The following SERPINB12 variants were observed in gnomAD, a reference collection of about 807,000 sequenced individuals.
The protein encoded by SERPINB12 is serpin B12.
In SERPINB12, 57 loss-of-function variants were observed where a neutral mutation model predicts 41.1. That is an observed-to-expected ratio of 1.39 (90% confidence interval 1.12 to 1.73). The LOEUF (loss-of-function observed/expected upper bound fraction) is 1.73. SERPINB12 is among the 40% of genes most tolerant of loss of function. The pLI, the probability that SERPINB12 is intolerant of heterozygous loss-of-function variation, is 0.00. For missense variants in SERPINB12, 536 were observed against 501.9 expected, an observed-to-expected ratio of 1.07 and a Z score of -0.65; for synonymous variants, 180 against 181.3, an observed-to-expected ratio of 0.99 and a Z score of 0.06.
rs184035307 is a variant in SERPINB12, at chr18:63,553,260, C to T, written c.-18-2882C>T. Among the ~76,000 whole-genome samples the T allele has an allele frequency of 2.0e-5, 3 of 152,306 alleles. No homozygotes were observed. In the East Asian group the frequency reaches 5.8e-4, roughly 29 times the overall value. ...TTAGAATGGAATGGAATGTGAAAAA[C>T]TGTGTGATCTAGGAGGAAGCAGCCC... On this transcript the variant is annotated intron_variant, in intron 1 of 7. Transcript: ENST00000382768.
intron 6 of SERPINB12, 117 bp downstream of exon 6, chr18:63,564,237 C>G: frequency 9.0e-7 from 1 of 1,116,216 alleles, no homozygotes; most frequent in Non-Finnish European, 1.3e-6. Flanking sequence ...GAACATTTTT[C>G]GTTGATAAGA....
upstream of SERPINB12, among the ~76,000 whole-genome samples, chr18:63,539,098 G>T (rs1327636486): frequency 6.6e-6 from 1 of 152,100 alleles, no homozygotes; most frequent in African/African-American, 2.4e-5. Flanking sequence ...TATGAGAAGA[G>T]AATGAAGGTT....
At chr18:63,522,615 G>A in the SERPINB12 span, among the ~76,000 whole-genome samples, 2 of 151,942 alleles carry the variant, frequency 1.3e-5, no homozygotes, top group Non-Finnish European at 2.9e-5. Context: ...ATCTTGATTA[G>A]CAGTTTCACA....
chr18:63,561,675 G>A (rs1910915062), intron 5 of SERPINB12, among the ~76,000 whole-genome samples: 2 of 152,190 alleles, frequency 1.3e-5, no homozygotes, highest in Non-Finnish European at 2.9e-5. Flanking sequence ...TAAAGAAAAT[G>A]TGGTACATAT....
Position 63,568,671 on chromosome 18 carries a change from G to A in SERPINB12, c.*1660G>A, listed in dbSNP as rs1911195599. ...TCTTGCTTGCGGCTCAGTTTCCTTG[G>A]CCCACCTTGTGGCTGTCCTCCTCCC... is the stretch of plus-strand genomic sequence containing the variant. On this transcript the variant is annotated 3_prime_UTR_variant, in exon 8 of 8. Transcript: ENST00000382768. 6.6e-6 allele frequency among the ~76,000 whole-genome samples: 1 copy of A among 152,048 alleles called. No individual in the cohort carries two copies.
At position 63,565,632 on chromosome 18, in the gene SERPINB12, T is replaced by A; in HGVS notation, c.873+20T>A. 2 of 1,596,784 alleles carry A rather than the reference T, an allele frequency of 1.3e-6. No individual in the cohort carries two copies. The highest frequency in any genetic ancestry group is 8.5e-7 in the Non-Finnish European group (1 of 1,171,768). ...GAAGAGGTAAATCTTCATTTCCACA[T>A]CTCTACAAAATATTTAATGATAGAT... On this transcript the variant is annotated intron_variant, in intron 7 of 7. Transcript: ENST00000382768.
chr18:63,566,345 A>G (rs1911096882), intron 7 of SERPINB12, among the ~76,000 whole-genome samples: 1 of 152,230 alleles, frequency 6.6e-6, no homozygotes, highest in Admixed American at 6.5e-5. Context: ...GAACTCAACT[A>G]ATCGACTGAG....
chr18:63,567,206 CTGT>C lies in SERPINB12; in HGVS notation c.*200_*202del, dbSNP rs1355610182. Among the ~76,000 whole-genome samples the C allele has an allele frequency of 1.3e-5, 2 of 152,172 alleles. No individual in the cohort carries two copies. Among genetic ancestry groups the C allele is most frequent in the Non-Finnish European group, 2.9e-5 (2 of 68,024 alleles). ...ATCTGAGTCTGTTAGTATTGAAGGGCTGTTGTTCTCTACCCTAAACTTTCAAGC... is the reference window on the plus strand; with the variant it reads ...ATCTGAGTCTGTTAGTATTGAAGGGCTGTTCTCTACCCTAAACTTTCAAGC... On this transcript the variant is annotated 3_prime_UTR_variant, in exon 8 of 8. Transcript: ENST00000382768.
chr18:63,534,108 T>C, the SERPINB12 span, among the ~76,000 whole-genome samples: 1 of 152,184 alleles, frequency 6.6e-6, no homozygotes, highest in Non-Finnish European at 1.5e-5. Context: ...TGGCATGATT[T>C]TAAAAATTAA....
At position 63,559,685 on chromosome 18, in the gene SERPINB12, G is replaced by C. The variant is rs901971104; in HGVS notation, c.411G>C (p.Arg137Ser). 5.6e-6 allele frequency: 9 copies of C among 1,613,966 alleles called. No individual in the cohort carries two copies. Among genetic ancestry groups the C allele is most frequent in the Non-Finnish European group, 7.6e-6 (9 of 1,179,986 alleles). ...ATTACACACTGAGTATTGCCAACAGGCTTTATGGAGAGCAGGAATTCCCAA... is the reference window on the plus strand; with the variant it reads ...ATTACACACTGAGTATTGCCAACAGCCTTTATGGAGAGCAGGAATTCCCAA... ...KTDYTLSIAN[R>S]LYGEQEFPIC... Residue 137 changes from arginine to serine, a missense_variant, in exon 4 of 8, where the codon AGG (arginine) becomes AGC (serine). Arg to Ser is a moderately radical substitution (Grantham distance 110). Transcript: ENST00000382768.
At chr18:63,564,363 T>C (rs7233648) in intron 6 of SERPINB12, among the ~76,000 whole-genome samples, 88,308 of 152,138 alleles carry the variant, frequency 0.58, 27,735 homozygotes, top group Middle Eastern at 0.72. Context: ...GGTGTTATTA[T>C]GATTTCCACT....
At chr18:63,550,051 A>C (rs906954173) in intron 1 of SERPINB12, among the ~76,000 whole-genome samples, 19 of 152,150 alleles carry the variant, frequency 1.2e-4, no homozygotes, top group African/African-American at 3.4e-4. Context: ...CAGACATATC[A>C]CAAGCTCAAA....
At chr18:63,524,087 A>C in the SERPINB12 span, among the ~76,000 whole-genome samples, 1 of 152,204 alleles carries the variant, frequency 6.6e-6, no homozygotes, top group Non-Finnish European at 1.5e-5. Context: ...TGCAGTTCAG[A>C]AAATGGTTGA....
At chr18:63,522,110 A>G in the SERPINB12 span, among the ~76,000 whole-genome samples, 4 of 152,226 alleles carry the variant, frequency 2.6e-5, no homozygotes, top group African/African-American at 9.6e-5. Flanking sequence ...TTTAGTTTTT[A>G]TCAAATTTTA....
At chr18:63,545,884 GA>G (rs962334187) in intron 1 of SERPINB12, among the ~76,000 whole-genome samples, 4 of 150,364 alleles carry the variant, frequency 2.7e-5, no homozygotes, top group African/African-American at 7.3e-5. Flanking sequence ...GAAGAATTTA[GA>G]AAAAAAAATA....
intron 3 of SERPINB12, among the ~76,000 whole-genome samples, chr18:63,559,111 T>TTCTTTCTTTCTTTCTTTCTTTC (rs1910810625): frequency 6.7e-6 from 1 of 148,790 alleles, no homozygotes; most frequent in African/African-American, 2.5e-5. Context: ...CTTTCTTTCT[T>TTCTTTCTTTCTTTCTTTCTTTC]TTTGTTTTTT....
chr18:63,526,118 G>C, the SERPINB12 span, among the ~76,000 whole-genome samples: 1 of 152,042 alleles, frequency 6.6e-6, no homozygotes, highest in Non-Finnish European at 1.5e-5. Flanking sequence ...ATTTGAGCTA[G>C]TTGCTGTATT....
the SERPINB12 span, among the ~76,000 whole-genome samples, chr18:63,519,820 T>G: frequency 6.6e-6 from 1 of 152,152 alleles, no homozygotes; most frequent in East Asian, 1.9e-4. Flanking sequence ...CACGGTCCCA[T>G]CTCTATAGGT....
At chr18:63,547,167 C>T (rs1410264925) in intron 1 of SERPINB12, among the ~76,000 whole-genome samples, 3 of 152,178 alleles carry the variant, frequency 2.0e-5, no homozygotes, top group East Asian at 1.9e-4. Flanking sequence ...ATGCTTGTCA[C>T]CTCGCTCAGC....
Sources: allele counts gnomAD v4.1 joint callset (sites outside exome capture counted in the v4.1 genomes callset), GRCh38; gene constraint gnomAD v4.1.1; transcripts MANE v1.5; gene names NCBI Gene and HGNC (gene_info 2026-07-23, HGNC 2026-07-21).